The following PARG variants were observed in gnomAD, a reference collection of about 807,000 sequenced individuals.
PARG encodes the protein poly(ADP-ribose) glycohydrolase, also known as mitochondrial poly(ADP-ribose) glycohydrolase.
In PARG, 35 loss-of-function variants were observed where a neutral mutation model predicts 113.0. That is an observed-to-expected ratio of 0.31 (90% CI 0.24 to 0.41). The LOEUF is 0.41. PARG is among the 10% of genes least tolerant of loss of function. PARG has a pLI of 1.00. For synonymous variants in PARG, 330 were observed against 409.9 expected (o/e 0.81, Z 2.36); for missense variants, 797 against 1,169.4 (o/e 0.68, Z 4.64).
chr10:49,891,988 T>G (rs1473339730), intron 7 of PARG, among the ~76,000 whole-genome samples: 7 of 151,814 alleles, frequency 4.6e-5, no homozygotes, highest in African/African-American at 1.5e-4. Context: ...TCTGAAATGC[T>G]TCTTTAAAAA....
chr10:49,862,086 C>CGTGTGTGTGTGTGT (rs35142553), intron 11 of PARG, among the ~76,000 whole-genome samples: 1 of 142,956 alleles, frequency 7.0e-6, no homozygotes, highest in African/African-American at 2.7e-5. Context: ...GTTTCATAAC[C>CGTGTGTGTGTGTGT]GTGTGTGTGT....
intron 7 of PARG, among the ~76,000 whole-genome samples, chr10:49,889,394 A>T (rs1467198418): frequency 6.6e-6 from 1 of 152,172 alleles, no homozygotes; most frequent in Non-Finnish European, 1.5e-5. Flanking sequence ...TGAGGGTAAA[A>T]ATTCATGTTC....
intron 7 of PARG, 74 bp from the exon 8 acceptor site, chr10:49,885,369 T>C: frequency 1.1e-6 from 1 of 950,704 alleles, no homozygotes; most frequent in South Asian, 1.4e-5. Context: ...ATGTTTGTTA[T>C]GAAATTAAAT....
At chr10:49,838,593 T>C (rs1192038561) in intron 15 of PARG, among the ~76,000 whole-genome samples, 9 of 152,084 alleles carry the variant, frequency 5.9e-5, no homozygotes, top group Non-Finnish European at 1.3e-4. Flanking sequence ...AGAAAAATAG[T>C]TATGCCTCCC....
intron 7 of PARG, among the ~76,000 whole-genome samples, chr10:49,891,221 G>A (rs1847761993): frequency 6.6e-6 from 1 of 152,238 alleles, no homozygotes; most frequent in Non-Finnish European, 1.5e-5. Context: ...GGCGGAAGCA[G>A]GAGAATTGCC....
intron 2 of PARG, among the ~76,000 whole-genome samples, 192 bp from the exon 3 acceptor site, chr10:49,934,355 C>T (rs1343026677): frequency 3.9e-5 from 6 of 152,108 alleles, no homozygotes; most frequent in African/African-American, 1.2e-4. Flanking sequence ...GGCAAACACC[C>T]GCCTTTCCTT....
chr10:49,931,202 T>A (rs1191578246), intron 4 of PARG, among the ~76,000 whole-genome samples: 1 of 152,172 alleles, frequency 6.6e-6, no homozygotes, highest in East Asian at 1.9e-4. Context: ...TGTTATAATG[T>A]TAGTCTTTTG....
intron 16 of PARG, among the ~76,000 whole-genome samples, chr10:49,822,742 C>G (rs1844165872): frequency 6.6e-6 from 1 of 152,170 alleles, no homozygotes; most frequent in African/African-American, 2.4e-5. Context: ...CAGCCTGACA[C>G]AGTGATCAAA....
intron 7 of PARG, among the ~76,000 whole-genome samples, chr10:49,899,637 C>G (rs2132735138): frequency 6.6e-6 from 1 of 152,182 alleles, no homozygotes; most frequent in African/African-American, 2.4e-5. Context: ...TTATTTAGTT[C>G]ATGGACCTAA....
intron 7 of PARG, among the ~76,000 whole-genome samples, chr10:49,907,547 G>A (rs547805512): frequency 2.0e-5 from 3 of 152,046 alleles, no homozygotes; most frequent in East Asian, 1.9e-4. Flanking sequence ...CAGATCTAAC[G>A]TTCTGTTTTT....
intron 1 of PARG, among the ~76,000 whole-genome samples, chr10:49,937,574 G>GTT (rs1384356620): frequency 6.6e-6 from 1 of 151,852 alleles, no homozygotes; most frequent in Admixed American, 6.6e-5. Flanking sequence ...TTCCATAAAT[G>GTT]TAAGGATTAA....
intron 16 of PARG, among the ~76,000 whole-genome samples, chr10:49,832,298 T>G (rs782641079): frequency 3.3e-5 from 5 of 152,204 alleles, no homozygotes; most frequent in Non-Finnish European, 7.4e-5. Context: ...ACTACAGCAC[T>G]CATTCCCATG....
intron 7 of PARG, among the ~76,000 whole-genome samples, chr10:49,913,917 A>G (rs531353672): frequency 1.3e-5 from 2 of 152,106 alleles, no homozygotes; most frequent in Non-Finnish European, 2.9e-5. Context: ...ATAAATAAAT[A>G]AATAAATATT....
chr10:49,913,002 T>C (rs1295305724), intron 7 of PARG, among the ~76,000 whole-genome samples: 1 of 152,176 alleles, frequency 6.6e-6, no homozygotes, highest in Non-Finnish European at 1.5e-5. Flanking sequence ...GTACAGAACA[T>C]AAGACACTGA....
chr10:49,933,079 T>C (rs1838568993), intron 3 of PARG, 98 bp downstream of exon 3: 18 of 909,312 alleles, frequency 2.0e-5, no homozygotes, highest in Non-Finnish European at 2.9e-5. Flanking sequence ...AACAAAACCA[T>C]TTCTTTGCTT....
At chr10:49,835,346 G>A (rs1733542569) in intron 15 of PARG, among the ~76,000 whole-genome samples, 1 of 152,108 alleles carries the variant, frequency 6.6e-6, no homozygotes, top group Admixed American at 6.5e-5. Context: ...TGCCCTGACA[G>A]TCTGCAATGA....
chr10:49,934,257 C>T, intron 2 of PARG, 94 bp from the exon 3 acceptor site: 1 of 653,402 alleles, frequency 1.5e-6, no homozygotes, highest in South Asian at 1.9e-5. Context: ...AATTAAACTC[C>T]CTGTGGTCAG....
intron 6 of PARG, among the ~76,000 whole-genome samples, chr10:49,919,095 C>CG (rs1278959552): frequency 1.3e-5 from 2 of 152,044 alleles, no homozygotes; most frequent in African/African-American, 4.8e-5. Flanking sequence ...CACCCACCAC[C>CG]GTGCCCGGCT....
At chr10:49,931,926 T>C (rs1838505593) in intron 4 of PARG, among the ~76,000 whole-genome samples, 174 bp downstream of exon 4, 1 of 152,276 alleles carries the variant, frequency 6.6e-6, no homozygotes, top group Non-Finnish European at 1.5e-5. Context: ...ATTTGTTAAG[T>C]TCTATACTAA....
Sources: allele counts gnomAD v4.1 joint callset (sites outside exome capture counted in the v4.1 genomes callset), GRCh38; gene constraint gnomAD v4.1.1; transcripts MANE v1.5; gene names NCBI Gene and HGNC (gene_info 2026-07-23, HGNC 2026-07-21).